SEL1L3: variants seen among roughly 807,000 people sequenced by gnomAD.
The protein encoded by SEL1L3 is SEL1L family member 3, also known as protein sel-1 homolog 3.
A neutral mutation model predicts 142.8 loss-of-function variants in SEL1L3; 76 were observed. That is an observed-to-expected ratio of 0.53 (90% CI 0.44 to 0.64). SEL1L3 has a LOEUF of 0.64. Among genes scored for constraint, SEL1L3 ranks in the 30% least tolerant of loss-of-function variants. SEL1L3 has a pLI of 0.00. For missense variants in SEL1L3, 1,262 were observed against 1,381.7 expected (o/e 0.91, Z 1.37); for synonymous variants, 504 against 519.6 (o/e 0.97, Z 0.41).
rs1370305965 is a variant in SEL1L3, at chr4:25,776,165, G to C, written c.2669+112C>G. 4 of 646,812 alleles carry C rather than the reference G, an allele frequency of 6.2e-6. No individual in the cohort carries two copies. The Admixed American group carries it at 8.4e-5, about 14-fold the overall frequency. 40.1% of individuals were successfully genotyped at this position (646,812 alleles called of 1,614,324 possible). A position where few individuals can be genotyped will look rare whatever the true frequency, so the allele number is the denominator to read the frequency against. Reference sequence around the variant, plus strand: ...GATACTCTGAATATCATTACTGGGAGCTGTGATTTCCCTGCAAATTGCTTT... The same window carrying C: ...GATACTCTGAATATCATTACTGGGACCTGTGATTTCCCTGCAAATTGCTTT... On this transcript the variant is annotated intron_variant, in intron 17 of 23. Coordinates refer to ENST00000399878, the MANE Select transcript of SEL1L3 (RefSeq NM_015187.5).
chr4:25,776,069 AG>A (rs775195106), intron 17 of SEL1L3, among the ~76,000 whole-genome samples: 1 of 152,344 alleles, frequency 6.6e-6, no homozygotes, highest in South Asian at 2.1e-4. Context: ...CAATTCCCCT[AG>A]AGAACAAATT....
chr4:25,790,329 G>T, intron 12 of SEL1L3, 126 bp downstream of exon 12: 1 of 887,160 alleles, frequency 1.1e-6, no homozygotes, highest in Non-Finnish European at 1.8e-6. Flanking sequence ...TATTGGACAT[G>T]CAGTGTGAGT....
At chr4:25,816,431 ACTTGTC>A (rs1714398578) in intron 9 of SEL1L3, among the ~76,000 whole-genome samples, 1 of 152,074 alleles carries the variant, frequency 6.6e-6, no homozygotes, top group Admixed American at 6.6e-5. Flanking sequence ...CCTCCTGCCT[ACTTGTC>A]CTTTGTGCCC....
At chr4:25,773,014 C>G (rs188325907) in intron 17 of SEL1L3, among the ~76,000 whole-genome samples, 33 of 152,164 alleles carry the variant, frequency 2.2e-4, no homozygotes, top group African/African-American at 7.0e-4. Flanking sequence ...TCAGGCTGGT[C>G]TCAAACTCCT....
chr4:25,840,698 C>G (rs149225698), intron 2 of SEL1L3, among the ~76,000 whole-genome samples: 1 of 152,326 alleles, frequency 6.6e-6, no homozygotes, highest in East Asian at 1.9e-4. Context: ...CCATGTCACA[C>G]CTGAGATTAT....
Position 25,819,866 on chromosome 4 carries a change from T to C in SEL1L3, c.1365A>G (p.Gln455=). ...KLYYERCAEV[Q]EIVSVYASAA... is the part of the protein sequence containing the mutation. ...CAGATGCATACACAGATACTATTTC[T>C]TGAACCTCAGCACACCTTTCATAAT... The change falls in exon 8 of 24, where the codon CAA becomes CAG. Residue 455 remains glutamine (Q), a synonymous_variant. Transcript: ENST00000399878. 1 of 1,613,690 alleles carries C rather than the reference T, an allele frequency of 6.2e-7. No homozygotes were observed. Among genetic ancestry groups the C allele is most frequent in the Non-Finnish European group, 8.5e-7 (1 of 1,179,760 alleles).
intron 11 of SEL1L3, among the ~76,000 whole-genome samples, chr4:25,794,528 C>G (rs1464590973): frequency 6.6e-6 from 1 of 152,150 alleles, no homozygotes; most frequent in Non-Finnish European, 1.5e-5. Flanking sequence ...CAGATCATGC[C>G]AGTCAGAATG....
chr4:25,800,315 C>A (rs6857125), intron 11 of SEL1L3, among the ~76,000 whole-genome samples: 95,459 of 152,090 alleles, frequency 0.63, 30,332 homozygotes, highest in Middle Eastern at 0.75. Flanking sequence ...CATTAATTAC[C>A]CATTCTTAAG....
chr4:25,714,498 CTTTTTCTT>C, the SEL1L3 span, among the ~76,000 whole-genome samples: 2 of 48,678 alleles, frequency 4.1e-5, no homozygotes, highest in East Asian at 7.3e-4. Context: ...CTCTTTCTTT[CTTTTTCTT>C]TCTTTCTTTC....
In SEL1L3 at chr4:25,833,539, G is replaced by C; in HGVS notation, c.891C>G (p.Leu297=). The part of the protein sequence containing the change: ...VFTVSLWLYL[L]HYCKANLCGI... Reference sequence around the variant, plus strand: ...CACAGAGGTTGGCCTTGCAATAATGGAGTAAATAAAGCCACAATGAAACAG... The same window carrying C: ...CACAGAGGTTGGCCTTGCAATAATGCAGTAAATAAAGCCACAATGAAACAG... Residue 297 remains leucine (L), a synonymous_variant, in exon 4 of 24, where the codon CTC becomes CTG. Transcript: ENST00000399878. The C allele has an allele frequency of 1.2e-6, 2 of 1,612,716 alleles. No homozygotes were observed. Among genetic ancestry groups the C allele is most frequent in the Non-Finnish European group, 8.5e-7 (1 of 1,179,256 alleles).
upstream of SEL1L3, chr4:25,863,437 T>G: frequency 7.5e-6 from 4 of 533,344 alleles, no homozygotes; most frequent in Non-Finnish European, 7.2e-6. Context: ...CACCCACCCC[T>G]TTTGCGGGTC....
the SEL1L3 span, among the ~76,000 whole-genome samples, chr4:25,731,236 T>C: frequency 6.6e-6 from 1 of 152,168 alleles, no homozygotes; most frequent in Non-Finnish European, 1.5e-5. Flanking sequence ...CCCTATCTCT[T>C]TAAGTGAGTA....
rs372643574 is a variant in SEL1L3, at chr4:25,818,737, C to T, written c.1424-459G>A. ...TAAGTTACCAAAGTCAGTTTCTTTC[C>T]TCTTTGGGTTATTACTATTCCTATA... On this transcript the variant is annotated intron_variant, in intron 8 of 23. Coordinates refer to ENST00000399878, the MANE Select transcript of SEL1L3 (RefSeq NM_015187.5). 1.4e-4 allele frequency among the ~76,000 whole-genome samples: 21 copies of T among 152,274 alleles called. 1 individual carries two copies. In the East Asian group the frequency reaches 2.1e-3, roughly 15 times the overall value.
intron 6 of SEL1L3, among the ~76,000 whole-genome samples, chr4:25,828,744 T>A (rs1715254724): frequency 6.6e-6 from 1 of 152,158 alleles, no homozygotes. Context: ...TTTCTGTGTC[T>A]GCCCCTCTTT....
chr4:25,809,072 C>CA (rs57752271), intron 9 of SEL1L3, among the ~76,000 whole-genome samples: 3,572 of 60,040 alleles, frequency 0.059, 151 homozygotes, highest in Admixed American at 0.18. Flanking sequence ...GACTCTGTCT[C>CA]AAAAAAAAAA....
At chr4:25,731,082 G>C in the SEL1L3 span, among the ~76,000 whole-genome samples, 1 of 152,152 alleles carries the variant, frequency 6.6e-6, no homozygotes, top group Non-Finnish European at 1.5e-5. Flanking sequence ...CTAGTTACAA[G>C]TGTCAGGGCT....
At chr4:25,842,953 T>A (rs74505152) in intron 2 of SEL1L3, among the ~76,000 whole-genome samples, 4,970 of 152,136 alleles carry the variant, frequency 0.033, 271 homozygotes, top group African/African-American at 0.11. Flanking sequence ...GATAAGGAGA[T>A]GGCATTGGAG....
intron 10 of SEL1L3, 143 bp downstream of exon 10, chr4:25,804,398 C>T: frequency 1.5e-6 from 1 of 660,784 alleles, no homozygotes; most frequent in Non-Finnish European, 2.7e-6. Flanking sequence ...TTAACACAGC[C>T]CCAGGACATT....
At chr4:25,839,101 A>G (rs1577680645) in intron 2 of SEL1L3, among the ~76,000 whole-genome samples, 1 of 152,236 alleles carries the variant, frequency 6.6e-6, no homozygotes, top group African/African-American at 2.4e-5. Context: ...GGAGAAATAA[A>G]GCCAGAGCAC....
Sources: gnomAD v4.1 joint callset for allele counts (sites outside exome capture counted in the v4.1 genomes callset) on GRCh38, gnomAD v4.1.1 for gene constraint, MANE v1.5 for transcripts, NCBI Gene and HGNC (gene_info 2026-07-23, HGNC 2026-07-21) for gene names.